NECTIN3: variants seen among roughly 807,000 people sequenced by gnomAD.
The protein encoded by NECTIN3 is nectin cell adhesion molecule 3.
Under a neutral mutation model 49.4 loss-of-function variants are expected in NECTIN3, and 8 were observed. The observed-to-expected ratio is 0.16, with a 90% CI of 0.10 to 0.29. The LOEUF (loss-of-function observed/expected upper bound fraction) is 0.29. Ranked by LOEUF, NECTIN3 falls within the 10% of genes least tolerant of loss-of-function variation. The pLI, the probability that NECTIN3 is intolerant of heterozygous loss-of-function variation, is 1.00. For synonymous variants in NECTIN3, 277 were observed against 241.1 expected (o/e 1.15, Z -1.38); for missense variants, 581 against 654.6 (o/e 0.89, Z 1.23).
chr3:111,075,596 T>G (rs1265962305), intron 1 of NECTIN3, among the ~76,000 whole-genome samples: 2 of 152,154 alleles, frequency 1.3e-5, no homozygotes. Context: ...ATTCTTAAAT[T>G]CTACACCAAT....
chr3:111,167,656 T>C (rs1209577178), intron 7 of NECTIN3, among the ~76,000 whole-genome samples: 2 of 152,122 alleles, frequency 1.3e-5, no homozygotes. Flanking sequence ...GAGACTATGC[T>C]GGGGATTGGT....
intron 5 of NECTIN3, among the ~76,000 whole-genome samples, chr3:111,144,715 A>G (rs1026017941): frequency 3.3e-5 from 5 of 152,124 alleles, no homozygotes; most frequent in East Asian, 1.9e-4. Context: ...TTAAAGTAAT[A>G]TAAGAAAGAA....
At chr3:111,190,973 G>A (rs1219295868), upstream of NECTIN3, among the ~76,000 whole-genome samples, 2 of 152,134 alleles carry the variant, frequency 1.3e-5, no homozygotes, top group Non-Finnish European at 1.5e-5. Context: ...CTTTAGTCAG[G>A]CCATGTTGGA....
intron 5 of NECTIN3, among the ~76,000 whole-genome samples, chr3:111,144,255 T>C (rs2034819866): frequency 6.6e-6 from 1 of 152,022 alleles, no homozygotes; most frequent in African/African-American, 2.4e-5. Flanking sequence ...ATGACATATG[T>C]CTATGGCCAG....
At chr3:111,147,188 A>G (rs2034893456) in intron 6 of NECTIN3, among the ~76,000 whole-genome samples, 1 of 152,208 alleles carries the variant, frequency 6.6e-6, no homozygotes, top group Non-Finnish European at 1.5e-5. Flanking sequence ...TTGGTTCTCC[A>G]TATGGCAACC....
intron 7 of NECTIN3, among the ~76,000 whole-genome samples, chr3:111,154,661 C>T (rs940996191): frequency 6.6e-6 from 1 of 152,106 alleles, no homozygotes. Context: ...TATGGTCAGA[C>T]ATTAAAAATT....
intron 7 of NECTIN3, among the ~76,000 whole-genome samples, chr3:111,151,099 A>G (rs1316682659): frequency 1.3e-5 from 2 of 151,928 alleles, no homozygotes; most frequent in Non-Finnish European, 2.9e-5. Flanking sequence ...AGTGCATAAC[A>G]CAGTGCTTGG....
At position 111,099,727 on chromosome 3, in the gene NECTIN3, T is replaced by C. The variant is rs552632258; in HGVS notation, c.161-12303T>C. Reference sequence around the variant, plus strand: ...CTATGGATCAGTCTGGCTCTATACATTCTCTGTGCTTACCTCTTAGCTGCT... The same window carrying C: ...CTATGGATCAGTCTGGCTCTATACACTCTCTGTGCTTACCTCTTAGCTGCT... On this transcript the variant is annotated intron_variant, in intron 1 of 5. Coordinates refer to ENST00000485303, the MANE Select transcript of NECTIN3 (RefSeq NM_015480.3). 3.3e-4 allele frequency among the ~76,000 whole-genome samples: 50 copies of C among 152,312 alleles called. No homozygotes were observed. In the South Asian group the frequency reaches 9.9e-3, roughly 30 times the overall value.
intron 1 of NECTIN3, among the ~76,000 whole-genome samples, chr3:111,094,780 A>C (rs2032488982): frequency 6.6e-6 from 1 of 152,178 alleles, no homozygotes; most frequent in Admixed American, 6.5e-5. Flanking sequence ...TTTGGGGCTG[A>C]TCATGAGAGT....
chr3:111,137,002 G>C lies in NECTIN3; in HGVS notation c.*2787G>C. 1.0e-6 allele frequency: 1 copy of C among 975,884 alleles called. No individual in the cohort carries two copies. Among genetic ancestry groups the C allele is most frequent in the Non-Finnish European group, 1.2e-6 (1 of 821,476 alleles). 60.5% of individuals were successfully genotyped at this position (975,884 alleles called of 1,614,324 possible). A position where few individuals can be genotyped will look rare whatever the true frequency, so the allele number is the denominator to read the frequency against. ...ATTGAGGAAACTATTAAGGTTTTCA[G>C]TAGTAAGTGTTGCTTCTAATAGCCA... On this transcript the variant is annotated 3_prime_UTR_variant, in exon 6 of 6. Transcript: ENST00000485303.
intron 7 of NECTIN3, among the ~76,000 whole-genome samples, chr3:111,168,412 T>C (rs2035362880): frequency 1.3e-5 from 2 of 152,130 alleles, no homozygotes; most frequent in Non-Finnish European, 2.9e-5. Flanking sequence ...ATACACAGAC[T>C]TTCTACCCCC....
chr3:111,074,435 A>G (rs1164872325), intron 1 of NECTIN3, among the ~76,000 whole-genome samples: 2 of 152,044 alleles, frequency 1.3e-5, no homozygotes, highest in African/African-American at 4.8e-5. Flanking sequence ...GTTGATGAGA[A>G]TGCTTTACTT....
chr3:111,122,316 T>C, intron 4 of NECTIN3, 78 bp downstream of exon 4: 1 of 1,086,816 alleles, frequency 9.2e-7, no homozygotes, highest in Non-Finnish European at 1.3e-6. Flanking sequence ...TGTTTTTATC[T>C]GTATAATACA....
intron 3 of NECTIN3, among the ~76,000 whole-genome samples, chr3:111,120,304 A>G (rs1383013647): frequency 6.6e-6 from 1 of 152,052 alleles, no homozygotes; most frequent in Admixed American, 6.6e-5. Context: ...AGTGTTTATA[A>G]TATGGTATTG....
downstream of NECTIN3, among the ~76,000 whole-genome samples, chr3:111,137,936 G>A (rs7430600): frequency 0.3 from 45,191 of 150,940 alleles, 12,553 homozygotes; most frequent in African/African-American, 0.71. Flanking sequence ...TTTTATTTTT[G>A]ATTAACCATT....
chr3:111,103,622 A>C (rs1372493965), intron 1 of NECTIN3, among the ~76,000 whole-genome samples: 1 of 152,046 alleles, frequency 6.6e-6, no homozygotes, highest in Non-Finnish European at 1.5e-5. Context: ...CTTCCTTTCT[A>C]ATCAGTATAC....
chr3:111,116,361 ACTTAGCTAGTATCATT>A, intron 2 of NECTIN3, among the ~76,000 whole-genome samples: 1 of 152,296 alleles, frequency 6.6e-6, no homozygotes, highest in East Asian at 1.9e-4. Context: ...TAAGGACAGC[ACTTAGCTAGTATCATT>A]CTAAATCCAT....
At chr3:111,140,818 G>A (rs981291954), downstream of NECTIN3, among the ~76,000 whole-genome samples, 1 of 151,954 alleles carries the variant, frequency 6.6e-6, no homozygotes, top group African/African-American at 2.4e-5. Flanking sequence ...TGGGTGCTCT[G>A]TGTGGCAGGA....
chr3:111,190,204 C>T (rs1220760575), upstream of NECTIN3, among the ~76,000 whole-genome samples: 3 of 152,186 alleles, frequency 2.0e-5, no homozygotes, highest in Non-Finnish European at 4.4e-5. Context: ...CTGCCTTGGA[C>T]TTTTACCAGT....
Sources: allele counts gnomAD v4.1 joint callset (sites outside exome capture counted in the v4.1 genomes callset), GRCh38; gene constraint gnomAD v4.1.1; transcripts MANE v1.5; gene names NCBI Gene and HGNC (gene_info 2026-07-23, HGNC 2026-07-21).